The following RAB20 variants were observed in gnomAD, a reference collection of about 807,000 sequenced individuals.
The protein encoded by RAB20 is ras-related protein Rab-20.
In RAB20, 2 loss-of-function variants were observed where a neutral mutation model predicts 3.7. That is an observed-to-expected ratio of 0.54 (90% CI 0.22 to 1.69). The LOEUF (loss-of-function observed/expected upper bound fraction) is 1.69. Among genes scored for constraint, RAB20 ranks in the 40% most tolerant of loss-of-function variants. The pLI is 0.19. For synonymous variants in RAB20, 126 were observed against 130.8 expected, an observed-to-expected ratio of 0.96 and a Z score of 0.25; for missense variants, 276 against 311.9, an observed-to-expected ratio of 0.88 and a Z score of 0.87.
intron 1 of RAB20, among the ~76,000 whole-genome samples, chr13:110,560,380 G>T (rs556039980): frequency 6.6e-6 from 1 of 152,326 alleles, no homozygotes; most frequent in Non-Finnish European, 1.5e-5. Context: ...TTTAAAGAGA[G>T]AATTCATTAT....
intron 1 of RAB20, among the ~76,000 whole-genome samples, chr13:110,551,116 A>T (rs922639089): frequency 6.6e-6 from 1 of 152,218 alleles, no homozygotes; most frequent in Non-Finnish European, 1.5e-5. Context: ...TAGTTTCAAA[A>T]ATATCACAGA....
In RAB20 at chr13:110,559,660, G is replaced by T. The variant is rs554329803; in HGVS notation, c.172+1688C>A. On this transcript the variant is annotated intron_variant, in intron 1 of 1. Coordinates refer to ENST00000267328, the MANE Select transcript of RAB20 (RefSeq NM_017817.3). Reference sequence around the variant, plus strand: ...CTTTCGAACAAGCAGCAGCAGCCTCGGATGCCAGGAAATGAGCTGCTGCCC... The same window carrying T: ...CTTTCGAACAAGCAGCAGCAGCCTCTGATGCCAGGAAATGAGCTGCTGCCC... Among the ~76,000 whole-genome samples the T allele has an allele frequency of 2.6e-5, 4 of 152,312 alleles. No individual in the cohort carries two copies. The South Asian group carries it at 8.3e-4, about 32-fold the overall frequency.
chr13:110,559,517 G>A (rs1388593357), intron 1 of RAB20, among the ~76,000 whole-genome samples: 2 of 152,176 alleles, frequency 1.3e-5, no homozygotes, highest in African/African-American at 4.8e-5. Context: ...AGGGTGCCCT[G>A]TGTCCCTGCC....
At chr13:110,524,607 G>A (rs991732225) in intron 1 of RAB20, among the ~76,000 whole-genome samples, 13 of 152,302 alleles carry the variant, frequency 8.5e-5, no homozygotes, top group African/African-American at 1.4e-4. Flanking sequence ...AAGCTGACTC[G>A]GGAATGCAGA....
At chr13:110,531,641 G>C (rs1262552029) in intron 1 of RAB20, among the ~76,000 whole-genome samples, 3 of 152,212 alleles carry the variant, frequency 2.0e-5, no homozygotes, top group Non-Finnish European at 4.4e-5. Flanking sequence ...TGTAATAGAA[G>C]TGCTTGTTCC....
intron 1 of RAB20, among the ~76,000 whole-genome samples, chr13:110,538,117 T>C (rs890426854): frequency 6.6e-6 from 1 of 151,542 alleles, no homozygotes; most frequent in Admixed American, 6.6e-5. Flanking sequence ...TGTTCGCCTA[T>C]AGGCCCAGCT....
intron 1 of RAB20, among the ~76,000 whole-genome samples, chr13:110,546,684 T>C (rs1849316575): frequency 6.6e-6 from 1 of 150,788 alleles, no homozygotes; most frequent in South Asian, 2.1e-4. Flanking sequence ...CTGTGAACAG[T>C]ACAAGCTGAA....
intron 1 of RAB20, among the ~76,000 whole-genome samples, chr13:110,554,066 G>A (rs148267611): frequency 2.6e-5 from 4 of 152,114 alleles, no homozygotes; most frequent in Non-Finnish European, 4.4e-5. Context: ...AGTGAGCTGT[G>A]GTTACCCCAC....
intron 1 of RAB20, among the ~76,000 whole-genome samples, chr13:110,536,944 A>G (rs1344136328): frequency 3.8e-4 from 19 of 49,376 alleles, no homozygotes; most frequent in Admixed American, 6.4e-4. Context: ...CCCACCCCAC[A>G]ACAGGCCCCG....
intron 1 of RAB20, 97 bp downstream of exon 1, chr13:110,561,251 G>T: frequency 7.1e-7 from 1 of 1,404,232 alleles, no homozygotes; most frequent in Non-Finnish European, 9.3e-7. Flanking sequence ...TCCGAGGCCG[G>T]GACCCTGTGC....
chr13:110,547,990 T>C (rs1594136988), intron 1 of RAB20, among the ~76,000 whole-genome samples: 1 of 152,212 alleles, frequency 6.6e-6, no homozygotes, highest in Admixed American at 6.5e-5. Context: ...ATAGCAGGTA[T>C]TCTATAACTG....
At chr13:110,559,371 G>T (rs1436322386) in intron 1 of RAB20, among the ~76,000 whole-genome samples, 2 of 152,132 alleles carry the variant, frequency 1.3e-5, no homozygotes, top group Admixed American at 1.3e-4. Context: ...TAGGAGCTCA[G>T]CAAAAGAAGG....
intron 1 of RAB20, among the ~76,000 whole-genome samples, chr13:110,538,219 A>AGATCTT (rs1884682624): frequency 7.0e-6 from 1 of 143,770 alleles, no homozygotes; most frequent in Admixed American, 7.1e-5. Flanking sequence ...AGCCTGGGTG[A>AGATCTT]CAGAGCGTGA....
At chr13:110,529,016 T>G (rs902779859) in intron 1 of RAB20, among the ~76,000 whole-genome samples, 3 of 152,174 alleles carry the variant, frequency 2.0e-5, no homozygotes, top group African/African-American at 7.2e-5. Context: ...AATGGAAGAG[T>G]CAGGCTGCTC....
intron 1 of RAB20, among the ~76,000 whole-genome samples, chr13:110,543,774 A>ATT (rs60203869): frequency 0.045 from 3,326 of 74,246 alleles, 201 homozygotes; most frequent in African/African-American, 0.14. Context: ...AATGTGGGTT[A>ATT]TTTTTTTTTT....
At chr13:110,525,709 C>T (rs1246768111) in intron 1 of RAB20, among the ~76,000 whole-genome samples, 1 of 152,246 alleles carries the variant, frequency 6.6e-6, no homozygotes, top group Non-Finnish European at 1.5e-5. Flanking sequence ...GAGGGCCGAG[C>T]CGAGCACGCC....
intron 1 of RAB20, among the ~76,000 whole-genome samples, chr13:110,546,700 GTTTT>G (rs67435229): frequency 6.9e-6 from 1 of 145,678 alleles, no homozygotes; most frequent in Non-Finnish European, 1.5e-5. Context: ...CTGAACTTCT[GTTTT>G]TTTTTGTTTT....
chr13:110,547,971 A>G (rs1238235646), intron 1 of RAB20, among the ~76,000 whole-genome samples: 1 of 152,184 alleles, frequency 6.6e-6, no homozygotes, highest in African/African-American at 2.4e-5. Context: ...CTGGAGCAAA[A>G]AGTTTCCCAT....
At chr13:110,545,044 T>C (rs939776446) in intron 1 of RAB20, among the ~76,000 whole-genome samples, 4 of 152,192 alleles carry the variant, frequency 2.6e-5, no homozygotes, top group Admixed American at 6.5e-5. Context: ...AAGAAGTGCC[T>C]TTTGCCTCCC....
Sources: gnomAD v4.1 joint callset for allele counts (sites outside exome capture counted in the v4.1 genomes callset) on GRCh38, gnomAD v4.1.1 for gene constraint, MANE v1.5 for transcripts, NCBI Gene and HGNC (gene_info 2026-07-23, HGNC 2026-07-21) for gene names.